INTS2: variants seen among roughly 807,000 people sequenced by gnomAD.
INTS2 encodes the protein KIAA1287.
INTS2 carries 57 observed loss-of-function variants against 139.6 expected under a neutral mutation model. The observed-to-expected ratio is 0.41, with a 90% CI of 0.33 to 0.51. The LOEUF (loss-of-function observed/expected upper bound fraction) is 0.51, where lower values mean the gene tolerates loss of function less well. Ranked by LOEUF, INTS2 falls within the 20% of genes least tolerant of loss-of-function variation. INTS2 has a pLI of 0.28. For synonymous variants in INTS2, 473 were observed against 493.4 expected (o/e 0.96, Z 0.55); for missense variants, 1,196 against 1,436.7 (o/e 0.83, Z 2.71).
At chr17:61,925,690 T>C (rs1038538072) in intron 2 of INTS2, among the ~76,000 whole-genome samples, 9 of 151,936 alleles carry the variant, frequency 5.9e-5, no homozygotes, top group African/African-American at 2.2e-4. Flanking sequence ...GGGAAGGACA[T>C]AGCACCTGCC....
At position 61,897,607 on chromosome 17, in the gene INTS2, T is replaced by C. The variant is rs2079362529; in HGVS notation, c.1380-24A>G. On this transcript the variant is annotated intron_variant, in intron 10 of 24. Transcript: ENST00000251334. This position sits in a 1 kb window ranked among gnomAD's most constrained non-coding sequence, Gnocchi z 4.4. ...TACTGTCAAAACAAAATAGGAAATA[T>C]GAATTTTCCAAAGAGAGAAGAAGAA... 5.7e-6 allele frequency: 9 copies of C among 1,585,440 alleles called. No individual in the cohort carries two copies. Among genetic ancestry groups the C allele is most frequent in the South Asian group, 2.3e-5 (2 of 87,392 alleles).
chr17:61,915,816 T>TAA lies in INTS2; in HGVS notation c.649+3582_649+3583dup, dbSNP rs1193639396. Among the ~76,000 whole-genome samples the TAA allele has an allele frequency of 6.4e-3, 409 of 64,060 alleles. 8 individuals carry two copies. Among genetic ancestry groups the TAA allele is most frequent in the Middle Eastern group, 0.026 (2 of 78 alleles). 42.0% of individuals were successfully genotyped at this position (64,060 alleles called of 152,430 possible). On this transcript the variant is annotated intron_variant, in intron 5 of 24. Transcript: ENST00000251334. ...CTGGGCGACAGAGCAAGACTCTGTC[T>TAA]AAAAAAAAAAAAAAAAAAAAAAAAT...
In INTS2 at chr17:61,875,174, T is replaced by A; in HGVS notation, c.2457-136A>T. ...CATATGAATGAACTTTGAAAAAATT[T>A]AAGCTACAGACATCTAACCTATTAA... is the stretch of plus-strand genomic sequence containing the variant. On this transcript the variant is annotated intron_variant, in intron 18 of 24. Coordinates refer to ENST00000251334, the MANE Select transcript of INTS2 (RefSeq NM_001351695.2). This position sits in a 1 kb window ranked among gnomAD's most constrained non-coding sequence, Gnocchi z 4.6. 2 of 554,368 alleles carry A rather than the reference T, an allele frequency of 3.6e-6. No individual in the cohort carries two copies. The highest frequency in any genetic ancestry group is 5.8e-6 in the Non-Finnish European group (2 of 343,466). 34.3% of individuals were successfully genotyped at this position (554,368 alleles called of 1,614,324 possible).
intron 7 of INTS2, among the ~76,000 whole-genome samples, chr17:61,908,375 A>G (rs971358427): frequency 6.6e-6 from 1 of 152,198 alleles, no homozygotes; most frequent in Non-Finnish European, 1.5e-5. Context: ...AGATGGCGCC[A>G]CTGCACTCCA....
At chr17:61,900,433 A>C (rs2079392810) in intron 9 of INTS2, among the ~76,000 whole-genome samples, 1 of 152,212 alleles carries the variant, frequency 6.6e-6, no homozygotes, top group Non-Finnish European at 1.5e-5. Flanking sequence ...ACAACCAGGT[A>C]TATCTGGAGC....
chr17:61,874,286 T>G (rs1198811778), intron 19 of INTS2: 1 of 152,208 alleles, frequency 6.6e-6, no homozygotes, highest in African/African-American at 2.4e-5. Context: ...CATGAGCATA[T>G]TACGTAACTT....
At position 61,909,625 on chromosome 17, in the gene INTS2, T is replaced by C. The variant is rs545359292; in HGVS notation, c.954+1895A>G. On this transcript the variant is annotated intron_variant, in intron 7 of 24. Coordinates refer to ENST00000251334, the MANE Select transcript of INTS2 (RefSeq NM_001351695.2). The surrounding 1 kb of genome is among the most constrained non-coding windows in gnomAD (Gnocchi z 4.9). ...ACTCGCTTATGTCCATGTGTACACA[T>C]GATTAGCACCCACTCATAATTGAGA... 6.6e-6 allele frequency among the ~76,000 whole-genome samples: 1 copy of C among 151,350 alleles called. No homozygotes were observed. The highest frequency in any genetic ancestry group is 2.0e-4 in the East Asian group (1 of 5,080).
Position 61,897,850 on chromosome 17 carries a change from C to A in INTS2, c.1308-111G>T. On this transcript the variant is annotated intron_variant, in intron 9 of 24. Transcript: ENST00000251334. The surrounding 1 kb of genome is among the most constrained non-coding windows in gnomAD (Gnocchi z 4.4). The stretch of plus-strand genomic sequence containing the variant: ...GAAATTATTTTTCCTGCCCTATTTT[C>A]AAGTATCAAGTCAAATTAAAGGCTT... The A allele has an allele frequency of 1.3e-6, 1 of 757,012 alleles. No individual in the cohort carries two copies. Among genetic ancestry groups the A allele is most frequent in the Non-Finnish European group, 2.2e-6 (1 of 459,054 alleles). 46.9% of individuals were successfully genotyped at this position (757,012 alleles called of 1,614,324 possible).
Position 61,909,575 on chromosome 17 carries a change from T to C in INTS2, c.955-1941A>G, listed in dbSNP as rs542860230. On this transcript the variant is annotated intron_variant, in intron 7 of 24. Coordinates refer to ENST00000251334, the MANE Select transcript of INTS2 (RefSeq NM_001351695.2). The surrounding 1 kb of genome is among the most constrained non-coding windows in gnomAD (Gnocchi z 4.9). ...ACCCCCTTCCCACCCTCCCAACATT[T>C]GGAGTCTATGATGTGTATTATCCCA... Among the ~76,000 whole-genome samples the C allele has an allele frequency of 6.6e-6, 1 of 152,222 alleles. No individual in the cohort carries two copies. The highest frequency in any genetic ancestry group is 1.5e-5 in the Non-Finnish European group (1 of 67,994).
intron 3 of INTS2, among the ~76,000 whole-genome samples, chr17:61,924,460 A>G (rs2079686418): frequency 6.6e-6 from 1 of 152,196 alleles, no homozygotes; most frequent in South Asian, 2.1e-4. Flanking sequence ...TAATTAAGAG[A>G]AGGACTTTAA....
At chr17:61,913,793 T>A (rs916345709) in intron 5 of INTS2, among the ~76,000 whole-genome samples, 1 of 152,116 alleles carries the variant, frequency 6.6e-6, no homozygotes, top group African/African-American at 2.4e-5. Flanking sequence ...AATATGGAAC[T>A]ACAGAAAGGA....
At chr17:61,918,973 G>A (rs372597337) in intron 5 of INTS2, among the ~76,000 whole-genome samples, 1 of 145,190 alleles carries the variant, frequency 6.9e-6, no homozygotes, top group East Asian at 2.1e-4. Context: ...CGCCCAGGCC[G>A]GAGTGCAGTG....
chr17:61,908,179 C>T (rs576293691), intron 7 of INTS2, among the ~76,000 whole-genome samples: 78 of 152,272 alleles, frequency 5.1e-4, no homozygotes, highest in African/African-American at 1.7e-3. Context: ...CTTTGGGAGG[C>T]CAAGGCGGAC....
intron 9 of INTS2, among the ~76,000 whole-genome samples, chr17:61,901,145 G>A (rs2079400596): frequency 6.6e-6 from 1 of 151,906 alleles, no homozygotes; most frequent in African/African-American, 2.4e-5. Flanking sequence ...AGGTGTGGTG[G>A]CCCACACTGG....
At chr17:61,913,930 T>C (rs548067456) in intron 5 of INTS2, among the ~76,000 whole-genome samples, 3 of 152,002 alleles carry the variant, frequency 2.0e-5, no homozygotes, top group South Asian at 4.2e-4. Flanking sequence ...TTATAATTCA[T>C]GTAAAAGTAA....
chr17:61,920,488 T>A (rs1003716043), intron 4 of INTS2, among the ~76,000 whole-genome samples: 2 of 39,196 alleles, frequency 5.1e-5, no homozygotes, highest in African/African-American at 5.5e-4. Flanking sequence ...GGCCTATACT[T>A]TTTTTTTTTT....
chr17:61,875,059 T>A lies in INTS2; in HGVS notation c.2457-21A>T. ...ATAGCCTGATAAGAAAATAATCACA[T>A]GTTCAAAACAGTTTTTTATATATTA... On this transcript the variant is annotated intron_variant, in intron 18 of 24. Coordinates refer to ENST00000251334, the MANE Select transcript of INTS2 (RefSeq NM_001351695.2). This position sits in a 1 kb window ranked among gnomAD's most constrained non-coding sequence, Gnocchi z 4.6. 6.4e-7 allele frequency: 1 copy of A among 1,553,760 alleles called. No homozygotes were observed. Among genetic ancestry groups the A allele is most frequent in the Non-Finnish European group, 8.7e-7 (1 of 1,148,912 alleles).
In INTS2 at chr17:61,871,214, G is replaced by A. The variant is rs1237914396; in HGVS notation, c.2778+1051C>T. Among the ~76,000 whole-genome samples the A allele has an allele frequency of 2.0e-5, 3 of 152,086 alleles. No individual in the cohort carries two copies. The highest frequency in any genetic ancestry group is 1.9e-4 in the East Asian group (1 of 5,182). ...CAGCTCACTGCAACCTCCGCCTCCC[G>A]GGTTCAAGCCATTCTCCTGCCTCAG... On this transcript the variant is annotated intron_variant, in intron 20 of 24. Transcript: ENST00000251334. This position sits in a 1 kb window ranked among gnomAD's most constrained non-coding sequence, Gnocchi z 4.9.
At chr17:61,911,168 A>G (rs1001363832) in intron 7 of INTS2, 1 of 294,848 alleles carries the variant, frequency 3.4e-6, no homozygotes, top group African/African-American at 2.1e-5. Flanking sequence ...ATTATCACAC[A>G]CTATACCCTA....
Sources: allele counts gnomAD v4.1 joint callset (sites outside exome capture counted in the v4.1 genomes callset), GRCh38; gene constraint gnomAD v4.1.1; non-coding constraint Gnocchi (gnomAD v3.1); transcripts MANE v1.5; gene names NCBI Gene and HGNC (gene_info 2026-07-23, HGNC 2026-07-21).